Variants in ARHGEF18 observed in about 807,000 individuals in gnomAD.
ARHGEF18 encodes the protein Rho/Rac guanine nucleotide exchange factor 18.
In ARHGEF18, 93 loss-of-function variants were observed where a neutral mutation model predicts 155.7. The ratio of observed to expected loss-of-function variants is 0.60; its 90% CI spans 0.50 to 0.71. ARHGEF18 has a LOEUF of 0.71. ARHGEF18 is among the 30% of genes least tolerant of loss of function. ARHGEF18 has a pLI of 0.00. For synonymous variants in ARHGEF18, 742 were observed against 753.1 expected (o/e 0.99, Z 0.24); for missense variants, 1,593 against 1,816.1 (o/e 0.88, Z 2.23).
At chr19:7,402,790 G>A (rs532461185) in intron 10 of ARHGEF18, among the ~76,000 whole-genome samples, 4 of 152,228 alleles carry the variant, frequency 2.6e-5, no homozygotes, top group South Asian at 2.1e-4. Context: ...GTAGGACCAC[G>A]TAGGAGAAGG....
At chr19:7,377,502 G>C (rs1470593002) in intron 5 of ARHGEF18, among the ~76,000 whole-genome samples, 1 of 152,030 alleles carries the variant, frequency 6.6e-6, no homozygotes, top group African/African-American at 2.4e-5. Context: ...TCCTCTATTA[G>C]AACAGGTGCA....
At chr19:7,389,735 G>A (rs766514497) in intron 10 of ARHGEF18, among the ~76,000 whole-genome samples, 4 of 151,010 alleles carry the variant, frequency 2.6e-5, no homozygotes, top group Non-Finnish European at 4.4e-5. Flanking sequence ...GGGTTTCGCC[G>A]TGTTGGCCAG....
intron 10 of ARHGEF18, among the ~76,000 whole-genome samples, chr19:7,418,525 C>T (rs1739059339): frequency 1.3e-5 from 2 of 152,122 alleles, no homozygotes; most frequent in African/African-American, 4.8e-5. Context: ...CAGATGGCCA[C>T]TCTGTCACCT....
At position 7,467,394 on chromosome 19, in the gene ARHGEF18, C is replaced by G; in HGVS notation, c.3190C>G (p.Arg1064Gly). 1 of 1,533,046 alleles carries G rather than the reference C, an allele frequency of 6.5e-7. No individual in the cohort carries two copies. The highest frequency in any genetic ancestry group is 1.4e-5 in the African/African-American group (1 of 73,034). 95.0% of individuals were successfully genotyped at this position (1,533,046 alleles called of 1,614,324 possible). Reference sequence around the variant, plus strand: ...CCTGGAGAAGCTGCAGAGCCAGCTGCGGCACGAGCAGCAGCGCTGGGAGCG... The same window carrying G: ...CCTGGAGAAGCTGCAGAGCCAGCTGGGGCACGAGCAGCAGCGCTGGGAGCG... ...AALEKLQSQL[R>G]HEQQRWERER... The change falls in exon 26 of 29, where the codon CGG (arginine) becomes GGG (glycine). Residue 1064 changes from arginine (R) to glycine (G), a missense_variant. Physicochemically the swap from Arg to Gly is moderately radical, Grantham distance 125. Transcript: ENST00000668164.
chr19:7,389,704 T>C (rs902781473), intron 10 of ARHGEF18, among the ~76,000 whole-genome samples: 5 of 151,848 alleles, frequency 3.3e-5, no homozygotes, highest in African/African-American at 1.2e-4. Flanking sequence ...TGGCTAATTT[T>C]TTGTATTTTT....
chr19:7,358,953 A>G (rs1448101714), intron 1 of ARHGEF18, among the ~76,000 whole-genome samples: 1 of 152,206 alleles, frequency 6.6e-6, no homozygotes, highest in African/African-American at 2.4e-5. Context: ...CTCATGCTCT[A>G]GAGCATGGAT....
intron 1 of ARHGEF18, among the ~76,000 whole-genome samples, chr19:7,358,232 TCCATC>T (rs1969397987): frequency 6.8e-6 from 1 of 147,608 alleles, no homozygotes; most frequent in African/African-American, 2.5e-5. Flanking sequence ...CATCCATCCA[TCCATC>T]CATCCACCCA....
Position 7,471,253 on chromosome 19 carries a change from G to C in ARHGEF18, c.*955G>C, listed in dbSNP as rs1977003691. On this transcript the variant is annotated 3_prime_UTR_variant, in exon 29 of 29. Coordinates refer to ENST00000668164, the MANE Select transcript of ARHGEF18 (RefSeq NM_001367823.1). This position sits in a 1 kb window ranked among gnomAD's most constrained non-coding sequence, Gnocchi z 4.4. ...AGCGCCATGTCCCAGGGCATGCAGAGGATGCACCTAGAGACGTTGCAGCAA... is the reference window on the plus strand; with the variant it reads ...AGCGCCATGTCCCAGGGCATGCAGACGATGCACCTAGAGACGTTGCAGCAA... 2 of 160,888 alleles carry C rather than the reference G, an allele frequency of 1.2e-5. No homozygotes were observed. Among genetic ancestry groups the C allele is most frequent in the African/African-American group, 4.8e-5 (2 of 41,794 alleles). 10.0% of individuals were successfully genotyped at this position (160,888 alleles called of 1,614,324 possible).
At chr19:7,422,962 G>A (rs138787039) in intron 10 of ARHGEF18, among the ~76,000 whole-genome samples, 1,611 of 152,080 alleles carry the variant, frequency 0.011, 37 homozygotes, top group African/African-American at 0.036. Context: ...CAAGTAATCC[G>A]CCCATCTTGG....
chr19:7,469,117 G>T lies in ARHGEF18; in HGVS notation c.3773G>T (p.Arg1258Leu). The T allele has an allele frequency of 6.2e-7, 1 of 1,600,178 alleles. No homozygotes were observed. The highest frequency in any genetic ancestry group is 1.3e-5 in the African/African-American group (1 of 74,878). ...DKGGKSRGSQ[R>L]WESSASFDLK... ...GGCGGCAAGAGCAGGGGCTCTCAGC[G>T]CTGGGAGAGCTCAGGTGAGCCGGCC... is the stretch of plus-strand genomic sequence containing the variant. The change falls in exon 27 of 29, where the codon CGC becomes CTC. Residue 1258 changes from arginine to leucine, a missense_variant. Physicochemically the swap from Arg to Leu is moderately radical, Grantham distance 102. Transcript: ENST00000668164.
chr19:7,369,991 A>G (rs1970127242), intron 2 of ARHGEF18, among the ~76,000 whole-genome samples: 1 of 151,600 alleles, frequency 6.6e-6, no homozygotes, highest in Non-Finnish European at 1.5e-5. Flanking sequence ...GAAATCAGGA[A>G]TTTCAGACCA....
intron 10 of ARHGEF18, among the ~76,000 whole-genome samples, chr19:7,434,765 T>G (rs1974161615): frequency 6.6e-6 from 1 of 152,234 alleles, no homozygotes; most frequent in African/African-American, 2.4e-5. Flanking sequence ...GAAAGAAGCC[T>G]GTCCATCACA....
At chr19:7,374,214 C>A (rs9807848) in intron 3 of ARHGEF18, among the ~76,000 whole-genome samples, 6,427 of 152,134 alleles carry the variant, frequency 0.042, 160 homozygotes, top group South Asian at 0.079. Context: ...TCTAAAAGGT[C>A]ACAGACTAGT....
Position 7,464,648 on chromosome 19 carries a change from T to C in ARHGEF18, c.2862T>C (p.Ser954=), listed in dbSNP as rs1213541929. The C allele has an allele frequency of 1.2e-6, 2 of 1,613,898 alleles. No homozygotes were observed. Among genetic ancestry groups the C allele is most frequent in the African/African-American group, 1.3e-5 (1 of 74,900 alleles). Reference sequence around the variant, plus strand: ...CAAACAGCCCGGACTTGAAGCTCAGTGACAGTGACATTCCTGGGAGCTCTG... The same window carrying C: ...CAAACAGCCCGGACTTGAAGCTCAGCGACAGTGACATTCCTGGGAGCTCTG... The part of the protein sequence containing the change: ...GPPNSPDLKL[S]DSDIPGSSEE... Residue 954 remains serine (S), a synonymous_variant, in exon 23 of 29, where the codon AGT becomes AGC. Coordinates refer to ENST00000668164, the MANE Select transcript of ARHGEF18 (RefSeq NM_001367823.1).
rs753026486 is a variant in ARHGEF18 at position 7,470,176 on chromosome 19, G to A, written c.3964G>A (p.Gly1322Ser). The A allele has an allele frequency of 6.8e-6, 11 of 1,611,994 alleles. No homozygotes were observed. The highest frequency in any genetic ancestry group is 9.3e-6 in the Non-Finnish European group (11 of 1,179,662). ...SPPPADSPSE[G>S]FSLKAGGTAL... ...ACCGCCAGCTGACAGCCCCTCCGAG[G>A]GCTTCTCTCTCAAGGCCGGGGGCAC... Residue 1322 changes from glycine to serine, a missense_variant, in exon 29 of 29, where the codon GGC (glycine) becomes AGC (serine). Physicochemically the swap from Gly to Ser is moderately conservative, Grantham distance 56. Coordinates refer to ENST00000668164, the MANE Select transcript of ARHGEF18 (RefSeq NM_001367823.1). The surrounding 1 kb of genome is among the most constrained non-coding windows in gnomAD (Gnocchi z 5.9).
rs776929047 is a variant in ARHGEF18, at chr19:7,462,181, G to T, written c.2482G>T (p.Ala828Ser). The stretch of plus-strand genomic sequence containing the variant: ...GTTGAGCATGAAAGACCAGCTGATC[G>T]CACAGAGCCTCCTAGAGAAACAGCA... ...ERLSMKDQLI[A>S]QSLLEKQQIY... The change falls in exon 21 of 29, where the codon GCA (alanine) becomes TCA (serine). Residue 828 changes from alanine (A) to serine (S), a missense_variant. Ala to Ser is a moderately conservative substitution (Grantham distance 99). Coordinates refer to ENST00000668164, the MANE Select transcript of ARHGEF18 (RefSeq NM_001367823.1). This position sits in a 1 kb window ranked among gnomAD's most constrained non-coding sequence, Gnocchi z 4.4. The T allele has an allele frequency of 6.2e-7, 1 of 1,613,830 alleles. No homozygotes were observed.
chr19:7,451,353 A>G, intron 16 of ARHGEF18, 87 bp downstream of exon 16: 1 of 1,141,186 alleles, frequency 8.8e-7, no homozygotes. Context: ...TGAGCAGCAA[A>G]CTGAATAAAT....
At chr19:7,433,835 C>T (rs537595309) in intron 10 of ARHGEF18, among the ~76,000 whole-genome samples, 13 of 151,840 alleles carry the variant, frequency 8.6e-5, no homozygotes, top group East Asian at 3.9e-4. Context: ...GCTTGGCCAA[C>T]GTGGAGAAAC....
chr19:7,360,189 CA>C (rs1203800450), intron 1 of ARHGEF18, among the ~76,000 whole-genome samples: 1 of 151,894 alleles, frequency 6.6e-6, no homozygotes, highest in Non-Finnish European at 1.5e-5. Flanking sequence ...AAAACATGCA[CA>C]ATCACACAAC....
Sources: allele counts gnomAD v4.1 joint callset (sites outside exome capture counted in the v4.1 genomes callset), GRCh38; gene constraint gnomAD v4.1.1; non-coding constraint Gnocchi (gnomAD v3.1); transcripts MANE v1.5; gene names NCBI Gene and HGNC (gene_info 2026-07-23, HGNC 2026-07-21).